Variants in NEDD4L observed in about 807,000 individuals in gnomAD.
NEDD4L encodes the protein E3 ubiquitin-protein ligase NEDD4-like.
In NEDD4L, 54 loss-of-function variants were observed where a neutral mutation model predicts 148.9. That is an observed-to-expected ratio of 0.36 (90% CI 0.29 to 0.45). NEDD4L has a LOEUF of 0.45. Ranked by LOEUF, NEDD4L falls within the 20% of genes least tolerant of loss-of-function variation. NEDD4L has a pLI of 1.00. For missense variants in NEDD4L, 856 were observed against 1,233.8 expected, an observed-to-expected ratio of 0.69 and a Z score of 4.59; for synonymous variants, 433 against 440.7, an observed-to-expected ratio of 0.98 and a Z score of 0.22.
chr18:58,049,968 C>T (rs1256034616), intron 1 of NEDD4L, among the ~76,000 whole-genome samples: 9 of 104,612 alleles, frequency 8.6e-5, no homozygotes, highest in Admixed American at 2.5e-4. Flanking sequence ...AGAGTGAGAC[C>T]CTGTCTCCAA....
chr18:58,188,818 T>G (rs1270064787), intron 2 of NEDD4L, among the ~76,000 whole-genome samples: 1 of 152,262 alleles, frequency 6.6e-6, no homozygotes, highest in Non-Finnish European at 1.5e-5. Context: ...GAAAGTGGGT[T>G]AATTCATTGT....
chr18:58,107,259 A>G (rs566713744), intron 1 of NEDD4L, among the ~76,000 whole-genome samples: 20 of 152,326 alleles, frequency 1.3e-4, no homozygotes, highest in African/African-American at 3.4e-4. Context: ...TAGGATTTCA[A>G]TGTATGAATT....
intron 5 of NEDD4L, among the ~76,000 whole-genome samples, chr18:58,271,942 T>G (rs540962925): frequency 6.6e-6 from 1 of 152,202 alleles, no homozygotes; most frequent in Non-Finnish European, 1.5e-5. Context: ...GTTGCTAATT[T>G]TGGATGTGGC....
intron 2 of NEDD4L, among the ~76,000 whole-genome samples, chr18:58,188,477 A>T (rs1275794840): frequency 6.6e-6 from 1 of 152,098 alleles, no homozygotes; most frequent in Non-Finnish European, 1.5e-5. Context: ...AGAGTCTGGG[A>T]GGCTGCTTGT....
intron 16 of NEDD4L, among the ~76,000 whole-genome samples, chr18:58,345,509 A>G (rs1490704368): frequency 3.3e-5 from 5 of 152,248 alleles, no homozygotes; most frequent in Non-Finnish European, 7.3e-5. Context: ...AACTGGTAGG[A>G]CAGGTTGAAA....
intron 1 of NEDD4L, among the ~76,000 whole-genome samples, chr18:58,049,811 T>C (rs1189902424): frequency 6.6e-6 from 1 of 151,822 alleles, no homozygotes; most frequent in Admixed American, 6.6e-5. Flanking sequence ...ACCCCGTCTC[T>C]ACAAAAAATA....
chr18:58,094,396 A>G (rs922733622), intron 1 of NEDD4L, among the ~76,000 whole-genome samples: 1 of 151,986 alleles, frequency 6.6e-6, no homozygotes, highest in Non-Finnish European at 1.5e-5. Context: ...CATGTTGCCC[A>G]GGCTGGTCTC....
chr18:58,373,534 G>C (rs1375585696), intron 24 of NEDD4L, among the ~76,000 whole-genome samples: 1 of 152,188 alleles, frequency 6.6e-6, no homozygotes, highest in African/African-American at 2.4e-5. Flanking sequence ...CAAAGCAAAT[G>C]TGAATGTTTC....
intron 1 of NEDD4L, among the ~76,000 whole-genome samples, chr18:58,124,094 C>T (rs2030555979): frequency 6.6e-6 from 1 of 152,170 alleles, no homozygotes; most frequent in South Asian, 2.1e-4. Flanking sequence ...AGACTATATC[C>T]TGCCCTCTCC....
intron 2 of NEDD4L, among the ~76,000 whole-genome samples, chr18:58,240,622 C>T (rs934018167): frequency 6.6e-6 from 1 of 152,140 alleles, no homozygotes; most frequent in Non-Finnish European, 1.5e-5. Context: ...TCTTTTGAGT[C>T]CACCTTTGGA....
rs752290215 is a variant in NEDD4L, at chr18:58,343,022, C to G, written c.1494C>G (p.Phe498Leu). Reference protein sequence around the residue: ...PKPQHKVTQSFLPPGWEMRIA... With the variant: ...PKPQHKVTQSLLPPGWEMRIA... ...CACAACACAAAGTCACACAGAGCTTCTTGCCACCCGGCTGGGAAATGAGGA... is the reference window on the plus strand; with the variant it reads ...CACAACACAAAGTCACACAGAGCTTGTTGCCACCCGGCTGGGAAATGAGGA... The change falls in exon 16 of 31, where the codon TTC (phenylalanine) becomes TTG (leucine). Residue 498 changes from phenylalanine (F) to leucine (L), a missense_variant. Around this residue, in one of 4 missense-constraint regions of NEDD4L, gnomAD observed 367 missense variants for 422.7 expected, o/e 0.87. Coordinates refer to ENST00000400345, the MANE Select transcript of NEDD4L (RefSeq NM_001144967.3). The G allele has an allele frequency of 1.9e-6, 3 of 1,613,718 alleles. No individual in the cohort carries two copies. The Admixed American group carries it at 5.0e-5, about 27-fold the overall frequency.
At chr18:58,313,109 G>A (rs766433769) in intron 5 of NEDD4L, among the ~76,000 whole-genome samples, 1 of 152,176 alleles carries the variant, frequency 6.6e-6, no homozygotes, top group South Asian at 2.1e-4. Flanking sequence ...CCATTGACTG[G>A]TGAAACACTA....
intron 5 of NEDD4L, among the ~76,000 whole-genome samples, chr18:58,262,406 A>T (rs1325060649): frequency 6.6e-6 from 1 of 152,152 alleles, no homozygotes; most frequent in Non-Finnish European, 1.5e-5. Context: ...AGGCAGGTAG[A>T]TCCCTTGAGC....
At chr18:58,133,625 A>G (rs1226775865) in intron 1 of NEDD4L, among the ~76,000 whole-genome samples, 3 of 152,218 alleles carry the variant, frequency 2.0e-5, no homozygotes, top group Non-Finnish European at 4.4e-5. Flanking sequence ...AATACGTATA[A>G]TGCAGCAAAC....
At chr18:58,082,102 A>ATCTTTTTTTTTTTTTT in intron 1 of NEDD4L, among the ~76,000 whole-genome samples, 1 of 48,856 alleles carries the variant, frequency 2.0e-5, no homozygotes, top group African/African-American at 1.3e-4. Flanking sequence ...ATATATATAT[A>ATCTTTTTTTTTTTTTT]TTTTTTTTTT....
At chr18:58,308,031 A>G (rs937501957) in intron 5 of NEDD4L, among the ~76,000 whole-genome samples, 7 of 152,234 alleles carry the variant, frequency 4.6e-5, no homozygotes, top group Non-Finnish European at 1.5e-5. Context: ...TTATCCTGAA[A>G]TCTTAAGAAA....
intron 5 of NEDD4L, among the ~76,000 whole-genome samples, chr18:58,252,625 G>GATACAAACTAACATTTTATAT (rs2048067268): frequency 6.6e-6 from 1 of 152,170 alleles, no homozygotes; most frequent in African/African-American, 2.4e-5. Flanking sequence ...GCATATAACA[G>GATACAAACTAACATTTTATAT]ATACAAACTA....
intron 2 of NEDD4L, among the ~76,000 whole-genome samples, chr18:58,240,962 A>C (rs999690242): frequency 1.3e-5 from 2 of 152,036 alleles, no homozygotes; most frequent in Non-Finnish European, 1.5e-5. Flanking sequence ...GATGCACACC[A>C]CCACACCCAG....
At chr18:58,062,072 G>C (rs891319159) in intron 1 of NEDD4L, among the ~76,000 whole-genome samples, 8 of 152,186 alleles carry the variant, frequency 5.3e-5, no homozygotes, top group African/African-American at 1.7e-4. Flanking sequence ...TATTTTCAAA[G>C]TTATATGTGT....
Sources: gnomAD v4.1 joint callset for allele counts (sites outside exome capture counted in the v4.1 genomes callset) on GRCh38, gnomAD v4.1.1 for gene constraint, gnomAD v4.1.1 regional missense constraint, MANE v1.5 for transcripts, NCBI Gene and HGNC (gene_info 2026-07-23, HGNC 2026-07-21) for gene names.